The following ANO2 variants were observed in gnomAD, a reference collection of about 807,000 sequenced individuals.
ANO2 encodes anoctamin 2, also known as anoctamin-2.
ANO2 carries 101 observed loss-of-function variants against 124.2 expected under a neutral mutation model. The observed-to-expected ratio is 0.81, with a 90% confidence interval of 0.69 to 0.96. The LOEUF is 0.96. Among genes scored for constraint, ANO2 ranks in the 40% least tolerant of loss-of-function variants. ANO2 has a pLI of 0.00. For missense variants in ANO2, 1,293 were observed against 1,274.5 expected (o/e 1.01, Z -0.22); for synonymous variants, 486 against 482.5 (o/e 1.01, Z -0.09).
intron 10 of ANO2, among the ~76,000 whole-genome samples, chr12:5,757,444 G>A (rs530972394): frequency 5.5e-4 from 83 of 152,248 alleles, no homozygotes; most frequent in South Asian, 1.2e-3. Flanking sequence ...TGCCTGATGA[G>A]AAAAGTACAA....
intron 19 of ANO2, 77 bp downstream of exon 19, chr12:5,612,579 A>G (rs1344975215): frequency 8.1e-6 from 10 of 1,241,890 alleles, no homozygotes; most frequent in Non-Finnish European, 1.1e-5. Flanking sequence ...AAGGCCATAG[A>G]AAACCTGCTG....
At position 5,578,357 on chromosome 12, in the gene ANO2, G is replaced by C. The variant is rs769718715; in HGVS notation, c.2386+9C>G. 6.2e-7 allele frequency: 1 copy of C among 1,612,750 alleles called. No homozygotes were observed. Among genetic ancestry groups the C allele is most frequent in the Admixed American group, 1.7e-5 (1 of 59,996 alleles). On this transcript the variant is annotated intron_variant, in intron 21 of 24. Transcript: ENST00000682330. ...TGGGCCTGGTGGGGCCTCTAAGTGG[G>C]GCACGTACCGATATCTTTGGTTCTT...
chr12:5,891,805 A>T (rs969842649), intron 3 of ANO2, among the ~76,000 whole-genome samples: 1 of 150,076 alleles, frequency 6.7e-6, no homozygotes, highest in African/African-American at 2.5e-5. Flanking sequence ...ACTTCAACCC[A>T]ACCAGATCAA....
At chr12:5,795,727 C>T (rs1952825106) in intron 10 of ANO2, among the ~76,000 whole-genome samples, 1 of 152,154 alleles carries the variant, frequency 6.6e-6, no homozygotes, top group Non-Finnish European at 1.5e-5. Context: ...CTAAGAAAAT[C>T]AGCCTGGGAG....
intron 14 of ANO2, among the ~76,000 whole-genome samples, chr12:5,677,156 G>A (rs1948284572): frequency 6.6e-6 from 1 of 152,108 alleles, no homozygotes. Flanking sequence ...GAAAAAGGAA[G>A]AGGCTCCATG....
At chr12:5,667,706 T>C (rs1425780667) in intron 14 of ANO2, among the ~76,000 whole-genome samples, 8 of 152,096 alleles carry the variant, frequency 5.3e-5, no homozygotes, top group Non-Finnish European at 8.8e-5. Flanking sequence ...CCTACCCCCT[T>C]CCATCTCCCA....
At chr12:5,927,432 A>C (rs1446414035) in intron 1 of ANO2, among the ~76,000 whole-genome samples, 1 of 152,208 alleles carries the variant, frequency 6.6e-6, no homozygotes, top group Non-Finnish European at 1.5e-5. Flanking sequence ...TGAAGGATGG[A>C]GAGGCCCAAA....
intron 14 of ANO2, among the ~76,000 whole-genome samples, chr12:5,688,757 C>T (rs971271632): frequency 6.6e-6 from 1 of 151,818 alleles, no homozygotes; most frequent in Non-Finnish European, 1.5e-5. Context: ...CTAACTCAGG[C>T]CTTCCTGTTC....
intron 3 of ANO2, among the ~76,000 whole-genome samples, chr12:5,859,155 C>A (rs964441146): frequency 6.6e-6 from 1 of 152,194 alleles, no homozygotes; most frequent in Non-Finnish European, 1.5e-5. Flanking sequence ...GCTCCCAAAT[C>A]TCAACAGGCA....
At chr12:5,677,179 A>G (rs1948286109) in intron 14 of ANO2, among the ~76,000 whole-genome samples, 1 of 152,138 alleles carries the variant, frequency 6.6e-6, no homozygotes, top group South Asian at 2.1e-4. Context: ...TCACATCTGG[A>G]ACAGTGGGGT....
At chr12:5,566,237 G>A (rs1941751921) in intron 23 of ANO2, among the ~76,000 whole-genome samples, 1 of 152,202 alleles carries the variant, frequency 6.6e-6, no homozygotes, top group Admixed American at 6.5e-5. Flanking sequence ...GTGAATTTGG[G>A]ATGGGAGGGT....
intron 7 of ANO2, among the ~76,000 whole-genome samples, chr12:5,824,985 C>A (rs553931996): frequency 6.6e-6 from 1 of 152,238 alleles, no homozygotes; most frequent in South Asian, 2.1e-4. Flanking sequence ...ATTGAATTAC[C>A]TCCCCCTGGG....
In ANO2 at chr12:5,685,553, G is replaced by C. The variant is rs780500925; in HGVS notation, c.1546-37752C>G. ...TAATCCCAACATTTGGGAGGCAGAGGCTGGTAGATCAGTTGAGCCCAGGAG... is the reference window on the plus strand; with the variant it reads ...TAATCCCAACATTTGGGAGGCAGAGCCTGGTAGATCAGTTGAGCCCAGGAG... On this transcript the variant is annotated intron_variant, in intron 14 of 24. Coordinates refer to ENST00000682330, the MANE Select transcript of ANO2 (RefSeq NM_001364791.2). Among the ~76,000 whole-genome samples the C allele has an allele frequency of 7.2e-5, 11 of 152,352 alleles. No individual in the cohort carries two copies. The East Asian group carries it at 1.5e-3, about 21-fold the overall frequency.
chr12:5,584,433 A>G (rs1942988849), intron 20 of ANO2, among the ~76,000 whole-genome samples: 1 of 152,162 alleles, frequency 6.6e-6, no homozygotes, highest in African/African-American at 2.4e-5. Context: ...AATAACTGAA[A>G]TGCTTAAAAA....
chr12:5,886,559 G>C (rs1397793963), intron 3 of ANO2, among the ~76,000 whole-genome samples: 2 of 152,182 alleles, frequency 1.3e-5, no homozygotes, highest in African/African-American at 4.8e-5. Context: ...TAGATCTCAT[G>C]TTAAATGTTC....
chr12:5,568,786 G>A (rs193102465), intron 23 of ANO2, among the ~76,000 whole-genome samples: 34 of 152,262 alleles, frequency 2.2e-4, no homozygotes, highest in Non-Finnish European at 4.4e-4. Context: ...GGTAGCAGGT[G>A]AGGGGTTGAA....
chr12:5,782,591 G>A (rs1336454383), intron 10 of ANO2, among the ~76,000 whole-genome samples: 2 of 152,242 alleles, frequency 1.3e-5, no homozygotes, highest in Non-Finnish European at 2.9e-5. Flanking sequence ...CATGTTTCCA[G>A]TTGGTTATGG....
chr12:5,565,405 G>A (rs961920412), intron 24 of ANO2, among the ~76,000 whole-genome samples, 153 bp downstream of exon 24: 7 of 152,094 alleles, frequency 4.6e-5, no homozygotes, highest in South Asian at 2.1e-4. Context: ...GCTTCAACCC[G>A]GAAAGGAGCC....
intron 3 of ANO2, among the ~76,000 whole-genome samples, chr12:5,901,893 C>T (rs1035098900): frequency 6.6e-6 from 1 of 152,222 alleles, no homozygotes; most frequent in Non-Finnish European, 1.5e-5. Context: ...TCCCCATGTA[C>T]ATTAGACTCC....
Sources: gnomAD v4.1 joint callset for allele counts (sites outside exome capture counted in the v4.1 genomes callset) on GRCh38, gnomAD v4.1.1 for gene constraint, MANE v1.5 for transcripts, NCBI Gene and HGNC (gene_info 2026-07-23, HGNC 2026-07-21) for gene names.